Variants in PRKCA observed in about 807,000 individuals in gnomAD.
The protein encoded by PRKCA is protein kinase C alpha.
PRKCA carries 27 observed loss-of-function variants against 87.0 expected under a neutral mutation model. The ratio of observed to expected loss-of-function variants is 0.31; its 90% CI spans 0.23 to 0.43. PRKCA has a LOEUF of 0.43. PRKCA is among the 20% of genes least tolerant of loss of function. The pLI, the probability that PRKCA is intolerant of heterozygous loss-of-function variation, is 1.00. For missense variants in PRKCA, 518 were observed against 852.3 expected (o/e 0.61, Z 4.88); for synonymous variants, 329 against 311.1 (o/e 1.06, Z -0.61).
chr17:66,728,832 T>C lies in PRKCA; in HGVS notation c.919-3856T>C, dbSNP rs148407090. On this transcript the variant is annotated intron_variant, in intron 8 of 16. Coordinates refer to ENST00000413366, the MANE Select transcript of PRKCA (RefSeq NM_002737.3). ...CTGGGAATGTCAGAGGAGTCCAGCATAGCTGGGTAGAACTGCGTGCTACAG... is the reference window on the plus strand; with the variant it reads ...CTGGGAATGTCAGAGGAGTCCAGCACAGCTGGGTAGAACTGCGTGCTACAG... 2.0e-3 allele frequency among the ~76,000 whole-genome samples: 310 copies of C among 152,330 alleles called. 2 individuals are homozygous for C. The highest frequency in any genetic ancestry group is 4.7e-3 in the African/African-American group (195 of 41,572).
chr17:66,754,170 A>C (rs1426935750), intron 13 of PRKCA, among the ~76,000 whole-genome samples: 9 of 152,026 alleles, frequency 5.9e-5, no homozygotes, highest in Admixed American at 5.9e-4. Flanking sequence ...TTATGTTATA[A>C]AGCGAGATGT....
rs367889036 is a variant in PRKCA at position 66,342,370 on chromosome 17, C to G, written c.205+36243C>G. On this transcript the variant is annotated intron_variant, in intron 2 of 16. Coordinates refer to ENST00000413366, the MANE Select transcript of PRKCA (RefSeq NM_002737.3). ...GCAGGAGGCGGAGGTTGCAGTGAGCCGAGATCAGGCCATTGCACTCCAGCC... is the reference window on the plus strand; with the variant it reads ...GCAGGAGGCGGAGGTTGCAGTGAGCGGAGATCAGGCCATTGCACTCCAGCC... Among the ~76,000 whole-genome samples, 18 of 151,158 alleles carry G rather than the reference C, an allele frequency of 1.2e-4. No homozygotes were observed. In the East Asian group the frequency reaches 1.9e-3, roughly 16 times the overall value.
intron 5 of PRKCA, among the ~76,000 whole-genome samples, chr17:66,685,097 C>A (rs1481143686): frequency 6.6e-6 from 1 of 152,162 alleles, no homozygotes; most frequent in Non-Finnish European, 1.5e-5. Flanking sequence ...TAGATTCCAG[C>A]ATGATAAGAG....
intron 3 of PRKCA, among the ~76,000 whole-genome samples, chr17:66,581,845 G>A (rs563198598): frequency 6.6e-6 from 1 of 152,286 alleles, no homozygotes; most frequent in South Asian, 2.1e-4. Flanking sequence ...TAGTAAATAT[G>A]GGCAACATGG....
intron 2 of PRKCA, among the ~76,000 whole-genome samples, chr17:66,426,772 A>C (rs1912829692): frequency 6.6e-6 from 1 of 152,142 alleles, no homozygotes; most frequent in Non-Finnish European, 1.5e-5. Flanking sequence ...TTACCCTAAA[A>C]AGGGACACAA....
At chr17:66,776,672 T>G (rs1975057441) in intron 14 of PRKCA, among the ~76,000 whole-genome samples, 1 of 152,108 alleles carries the variant, frequency 6.6e-6, no homozygotes, top group African/African-American at 2.4e-5. Context: ...CAAAAGGAAG[T>G]AAAGTACACT....
intron 5 of PRKCA, among the ~76,000 whole-genome samples, chr17:66,679,126 A>G (rs1231003352): frequency 2.7e-5 from 4 of 149,714 alleles, no homozygotes; most frequent in African/African-American, 9.9e-5. Context: ...GTGTACTAAG[A>G]GGTTTATTGG....
chr17:66,372,164 A>G (rs1267061943), intron 2 of PRKCA, among the ~76,000 whole-genome samples: 1 of 152,224 alleles, frequency 6.6e-6, no homozygotes, highest in African/African-American at 2.4e-5. Context: ...ATCCTGACTC[A>G]GGAGGTCTAG....
chr17:66,388,828 A>G (rs1373588725), intron 2 of PRKCA, among the ~76,000 whole-genome samples: 3 of 152,098 alleles, frequency 2.0e-5, no homozygotes, highest in Non-Finnish European at 4.4e-5. Flanking sequence ...AGAGTTGGAG[A>G]CAGTGTACCA....
intron 8 of PRKCA, among the ~76,000 whole-genome samples, chr17:66,723,674 A>G (rs1183446083): frequency 1.3e-5 from 2 of 151,846 alleles, no homozygotes; most frequent in Non-Finnish European, 2.9e-5. Context: ...GGTGGAGGGA[A>G]TAAAGCATGG....
At chr17:66,369,042 CCTT>C (rs1292693684) in intron 2 of PRKCA, among the ~76,000 whole-genome samples, 1 of 152,152 alleles carries the variant, frequency 6.6e-6, no homozygotes, top group African/African-American at 2.4e-5. Flanking sequence ...TTTTCTGTCA[CCTT>C]CTTCCCAAGT....
chr17:66,399,100 C>CTTTTCTTTTTTT (rs1555598364), intron 2 of PRKCA, among the ~76,000 whole-genome samples: 2 of 117,266 alleles, frequency 1.7e-5, no homozygotes, highest in African/African-American at 6.3e-5. Flanking sequence ...CTTTTCTTTT[C>CTTTTCTTTTTTT]TTTTTTTTTT....
In PRKCA at chr17:66,556,759, G is replaced by A. The variant is rs531823785; in HGVS notation, c.288+60476G>A. 2.6e-5 allele frequency among the ~76,000 whole-genome samples: 4 copies of A among 152,264 alleles called. No individual in the cohort carries two copies. The East Asian group carries it at 7.7e-4, about 29-fold the overall frequency. ...CTTCTCTCTCCTGCCGCCTTGTGAA[G>A]GACATGTTTGCATCCCCTTCCACCA... On this transcript the variant is annotated intron_variant, in intron 3 of 16. Coordinates refer to ENST00000413366, the MANE Select transcript of PRKCA (RefSeq NM_002737.3).
At position 66,729,780 on chromosome 17, in the gene PRKCA, C is replaced by CTTTTTTTTT. The variant is rs60247180; in HGVS notation, c.919-2895_919-2887dup. On this transcript the variant is annotated intron_variant, in intron 8 of 16. Coordinates refer to ENST00000413366, the MANE Select transcript of PRKCA (RefSeq NM_002737.3). The stretch of plus-strand genomic sequence containing the variant: ...TTGATCCCTGTATGAGCGAGTTATT[C>CTTTTTTTTT]TTTTTTTTTTTTTTTTTTTTTCTGA... Among the ~76,000 whole-genome samples the CTTTTTTTTT allele has an allele frequency of 7.6e-5, 8 of 105,104 alleles. 1 individual carries two copies. Among genetic ancestry groups the CTTTTTTTTT allele is most frequent in the African/African-American group, 1.2e-4 (3 of 26,054 alleles). 69.0% of individuals were successfully genotyped at this position (105,104 alleles called of 152,430 possible). A position where few individuals can be genotyped will look rare whatever the true frequency, so the allele number is the denominator to read the frequency against.
intron 3 of PRKCA, among the ~76,000 whole-genome samples, chr17:66,582,648 T>A (rs2143476227): frequency 6.6e-6 from 1 of 152,236 alleles, no homozygotes; most frequent in African/African-American, 2.4e-5. Flanking sequence ...CATTGCCCCA[T>A]CTTGGGTATG....
At chr17:66,639,682 C>T (rs1211103012) in intron 3 of PRKCA, among the ~76,000 whole-genome samples, 1 of 151,896 alleles carries the variant, frequency 6.6e-6, no homozygotes, top group East Asian at 2.0e-4. Context: ...GCCACTGTGC[C>T]TGGCCTACCT....
chr17:66,586,717 T>C (rs758741119), intron 3 of PRKCA, among the ~76,000 whole-genome samples: 5 of 152,210 alleles, frequency 3.3e-5, no homozygotes, highest in Non-Finnish European at 5.9e-5. Flanking sequence ...GGTGGCTCAG[T>C]GTTTTGCTGC....
At chr17:66,578,545 A>C (rs1969314880) in intron 3 of PRKCA, among the ~76,000 whole-genome samples, 1 of 148,580 alleles carries the variant, frequency 6.7e-6, no homozygotes, top group Admixed American at 6.7e-5. Flanking sequence ...TAAGGCCATG[A>C]ATGTACCTGG....
intron 3 of PRKCA, among the ~76,000 whole-genome samples, chr17:66,539,957 G>C (rs1967922442): frequency 6.6e-6 from 1 of 152,194 alleles, no homozygotes; most frequent in Non-Finnish European, 1.5e-5. Flanking sequence ...ATCCACCCTT[G>C]CTCACGCAAC....
Sources: allele counts gnomAD v4.1 joint callset (sites outside exome capture counted in the v4.1 genomes callset), GRCh38; gene constraint gnomAD v4.1.1; transcripts MANE v1.5; gene names NCBI Gene and HGNC (gene_info 2026-07-23, HGNC 2026-07-21).